SYT1: variants seen among roughly 807,000 people sequenced by gnomAD.
SYT1 encodes synaptotagmin-1.
In SYT1, 8 loss-of-function variants were observed where a neutral mutation model predicts 44.8. That is an observed-to-expected ratio of 0.18 (90% confidence interval 0.10 to 0.32). The LOEUF (loss-of-function observed/expected upper bound fraction) is 0.32, where lower values mean the gene tolerates loss of function less well. SYT1 is among the 10% of genes least tolerant of loss of function. The pLI, the probability that SYT1 is intolerant of heterozygous loss-of-function variation, is 1.00. For missense variants in SYT1, 286 were observed against 509.3 expected, an observed-to-expected ratio of 0.56 and a Z score of 4.22; for synonymous variants, 154 against 188.8, an observed-to-expected ratio of 0.82 and a Z score of 1.51.
chr12:79,193,652 C>CAGCA (rs1873263902), intron 3 of SYT1, among the ~76,000 whole-genome samples: 1 of 149,086 alleles, frequency 6.7e-6, no homozygotes, highest in African/African-American at 2.6e-5. Context: ...CGTTCATGCC[C>CAGCA]AGCAGTTCAA....
At chr12:78,910,217 C>A (rs538608330) in intron 1 of SYT1, among the ~76,000 whole-genome samples, 1 of 152,010 alleles carries the variant, frequency 6.6e-6, no homozygotes, top group Non-Finnish European at 1.5e-5. Flanking sequence ...CTAGCATAGT[C>A]CATGTGGCAT....
intron 4 of SYT1, among the ~76,000 whole-genome samples, chr12:79,247,691 A>T (rs1369002334): frequency 6.6e-6 from 1 of 152,224 alleles, no homozygotes; most frequent in East Asian, 1.9e-4. Flanking sequence ...AGAGTACACA[A>T]CAATGGCAGT....
intron 4 of SYT1, among the ~76,000 whole-genome samples, chr12:79,241,962 A>G (rs1876542046): frequency 6.6e-6 from 1 of 152,226 alleles, no homozygotes; most frequent in South Asian, 2.1e-4. Flanking sequence ...AGAGTGATAC[A>G]TCTATAAGCC....
intron 3 of SYT1, among the ~76,000 whole-genome samples, chr12:79,199,228 T>C (rs1192411295): frequency 6.6e-6 from 1 of 152,176 alleles, no homozygotes; most frequent in Non-Finnish European, 1.5e-5. Flanking sequence ...GATGGACTTC[T>C]ACAAAGTGCA....
intron 8 of SYT1, among the ~76,000 whole-genome samples, chr12:79,352,095 C>T (rs554162950): frequency 4.7e-4 from 71 of 151,568 alleles, no homozygotes; most frequent in African/African-American, 1.7e-3. Flanking sequence ...CAGAAAGAGG[C>T]ACTATTTCTC....
rs139143389 is a variant in SYT1 at position 79,087,240 on chromosome 12, C to G, written c.-18+39878C>G. On this transcript the variant is annotated intron_variant, in intron 3 of 10. Coordinates refer to ENST00000261205, the MANE Select transcript of SYT1 (RefSeq NM_005639.3). ...TCTGTGACTTTCATTGCAAATGGAACTTCAGTGTCAGGTTTATGGGACAGC... is the reference window on the plus strand; with the variant it reads ...TCTGTGACTTTCATTGCAAATGGAAGTTCAGTGTCAGGTTTATGGGACAGC... Among the ~76,000 whole-genome samples, 142 of 152,162 alleles carry G rather than the reference C, an allele frequency of 9.3e-4. 1 individual carries two copies. In the East Asian group the frequency reaches 0.027, roughly 28 times the overall value.
chr12:79,158,965 T>C (rs1486681616), intron 3 of SYT1, among the ~76,000 whole-genome samples: 1 of 152,056 alleles, frequency 6.6e-6, no homozygotes, highest in Non-Finnish European at 1.5e-5. Flanking sequence ...GCAAAACATG[T>C]AGCATGTCCT....
intron 4 of SYT1, 80 bp from the exon 5 acceptor site, chr12:79,285,707 A>G (rs1879275405): frequency 1.8e-6 from 2 of 1,090,950 alleles, no homozygotes; most frequent in South Asian, 1.6e-5. Flanking sequence ...AAAAAAATGA[A>G]TATCTTTATA....
intron 5 of SYT1, among the ~76,000 whole-genome samples, chr12:79,288,750 A>T (rs1404834854): frequency 2.0e-5 from 3 of 152,176 alleles, no homozygotes. Flanking sequence ...CACGGTTTTC[A>T]CTAATGTGTG....
chr12:79,000,080 A>C (rs1030239253), intron 2 of SYT1, among the ~76,000 whole-genome samples: 1 of 152,196 alleles, frequency 6.6e-6, no homozygotes, highest in African/African-American at 2.4e-5. Flanking sequence ...TATAGGACAG[A>C]CAACATCTCT....
intron 3 of SYT1, among the ~76,000 whole-genome samples, chr12:79,162,398 G>A (rs949932892): frequency 1.3e-5 from 2 of 152,076 alleles, no homozygotes; most frequent in South Asian, 2.1e-4. Context: ...TTATATTCTC[G>A]AAATTTAATA....
At chr12:79,158,678 G>A (rs570531967) in intron 3 of SYT1, among the ~76,000 whole-genome samples, 61 of 152,088 alleles carry the variant, frequency 4.0e-4, no homozygotes, top group Non-Finnish European at 6.6e-4. Context: ...CAGGTGGATC[G>A]CTTGAGCTCA....
chr12:78,933,925 T>C (rs1047499251), intron 1 of SYT1, among the ~76,000 whole-genome samples: 1 of 152,040 alleles, frequency 6.6e-6, no homozygotes, highest in Non-Finnish European at 1.5e-5. Context: ...TCCAGAAACA[T>C]AGGAATCTCA....
intron 8 of SYT1, among the ~76,000 whole-genome samples, chr12:79,339,338 C>T (rs537033054): frequency 3.3e-4 from 50 of 152,246 alleles, no homozygotes; most frequent in African/African-American, 1.2e-3. Context: ...CCTGTTGTTT[C>T]CTGACTTTTT....
intron 2 of SYT1, among the ~76,000 whole-genome samples, chr12:78,985,214 T>A (rs1869556896): frequency 6.6e-6 from 1 of 151,958 alleles, no homozygotes; most frequent in African/African-American, 2.4e-5. Context: ...TGAAGAACTA[T>A]TCCACTGTAT....
In SYT1 at chr12:78,946,884, A is replaced by C. The variant is rs528687190; in HGVS notation, c.-216-30915A>C. On this transcript the variant is annotated intron_variant, in intron 1 of 10. Coordinates refer to ENST00000261205, the MANE Select transcript of SYT1 (RefSeq NM_005639.3). Reference sequence around the variant, plus strand: ...CAGAGAAGATATGTTTTTAGCTAAAATATCCTAGCTTTGGGATGAACAGTA... The same window carrying C: ...CAGAGAAGATATGTTTTTAGCTAAACTATCCTAGCTTTGGGATGAACAGTA... Among the ~76,000 whole-genome samples, 14 of 152,264 alleles carry C rather than the reference A, an allele frequency of 9.2e-5. No individual in the cohort carries two copies. In the South Asian group the frequency reaches 1.9e-3, roughly 20 times the overall value.
At chr12:78,959,355 T>C (rs918189724) in intron 1 of SYT1, among the ~76,000 whole-genome samples, 2 of 152,142 alleles carry the variant, frequency 1.3e-5, no homozygotes, top group Non-Finnish European at 2.9e-5. Flanking sequence ...AAATTATAGG[T>C]AACTGCAAAT....
intron 3 of SYT1, among the ~76,000 whole-genome samples, chr12:79,207,792 C>T (rs1316726915): frequency 6.6e-6 from 1 of 152,126 alleles, no homozygotes; most frequent in Non-Finnish European, 1.5e-5. Context: ...AACCAGTCTC[C>T]TTCCATCTTT....
intron 2 of SYT1, among the ~76,000 whole-genome samples, chr12:79,041,099 C>G (rs900244773): frequency 6.6e-6 from 1 of 152,032 alleles, no homozygotes; most frequent in Admixed American, 6.6e-5. Flanking sequence ...ATTGACTTGG[C>G]AATGCGGGCT....
Sources: gnomAD v4.1 joint callset for allele counts (sites outside exome capture counted in the v4.1 genomes callset) on GRCh38, gnomAD v4.1.1 for gene constraint, MANE v1.5 for transcripts, NCBI Gene and HGNC (gene_info 2026-07-23, HGNC 2026-07-21) for gene names.